Variants in RPS6KA2 observed in about 807,000 individuals in gnomAD.
RPS6KA2 encodes ribosomal protein S6 kinase alpha-2.
A neutral mutation model predicts 91.8 loss-of-function variants in RPS6KA2; 42 were observed. That is an observed-to-expected ratio of 0.46 (90% CI 0.36 to 0.59). The LOEUF is 0.59. RPS6KA2 is among the 20% of genes least tolerant of loss of function. The pLI is 0.00. For missense variants in RPS6KA2, 798 were observed against 978.5 expected (o/e 0.82, Z 2.46); for synonymous variants, 414 against 393.6 (o/e 1.05, Z -0.61).
chr6:166,569,013 C>T (rs1784594034), intron 1 of RPS6KA2, among the ~76,000 whole-genome samples: 1 of 152,010 alleles, frequency 6.6e-6, no homozygotes. Context: ...ATTAAGCTTA[C>T]ATTAATAAAC....
At chr6:166,753,734 C>T (rs543026920) in intron 2 of RPS6KA2, among the ~76,000 whole-genome samples, 2 of 152,290 alleles carry the variant, frequency 1.3e-5, no homozygotes, top group African/African-American at 2.4e-5. Context: ...TATTACCACA[C>T]TTATTGTGGT....
In RPS6KA2 at chr6:166,770,021, G is replaced by A. The variant is rs535768288; in HGVS notation, c.123+88179C>T. Among the ~76,000 whole-genome samples, 3 of 152,206 alleles carry A rather than the reference G, an allele frequency of 2.0e-5. No homozygotes were observed. Among genetic ancestry groups the A allele is most frequent in the East Asian group, 1.9e-4 (1 of 5,196 alleles). On this transcript the variant is annotated intron_variant, in intron 2 of 21. Coordinates refer to the RPS6KA2 transcript ENST00000503859. This position sits in a 1 kb window ranked among gnomAD's most constrained non-coding sequence, Gnocchi z 5.1. ...CAAATGAACTACAGCGCAGTTTAAC[G>A]TATCAATGTAGATGAACATAAGCTC...
chr6:166,423,286 G>A lies in RPS6KA2; in HGVS notation c.1713C>T (p.Pro571=). Residue 571 remains proline (P), a synonymous_variant, in exon 17 of 21, where the codon CCC becomes CCT. Coordinates refer to ENST00000265678, the MANE Select transcript of RPS6KA2 (RefSeq NM_021135.6). This position sits in a 1 kb window ranked among gnomAD's most constrained non-coding sequence, Gnocchi z 4.8. ...GGGCCACGAAATTGGCCGTGTAGCA[G>A]GGTGTCATGAGCAGCCCGTTCCCCG... ...LRAGNGLLMT[P]CYTANFVAPE... 3 of 1,613,804 alleles carry A rather than the reference G, an allele frequency of 1.9e-6. No individual in the cohort carries two copies. The highest frequency in any genetic ancestry group is 2.2e-5 in the South Asian group (2 of 91,074).
At chr6:166,671,299 G>A (rs1583004811) in intron 2 of RPS6KA2, among the ~76,000 whole-genome samples, 1 of 152,174 alleles carries the variant, frequency 6.6e-6, no homozygotes, top group African/African-American at 2.4e-5. Flanking sequence ...TTACAGCAAA[G>A]ATGGTGTGTC....
chr6:166,481,805 G>A (rs577588935), intron 10 of RPS6KA2, among the ~76,000 whole-genome samples: 1 of 150,946 alleles, frequency 6.6e-6, no homozygotes, highest in Non-Finnish European at 1.5e-5. Flanking sequence ...TCTCTGATAA[G>A]ATGGCAGACT....
chr6:166,512,742 G>A (rs1423170187), intron 3 of RPS6KA2, among the ~76,000 whole-genome samples: 1 of 152,224 alleles, frequency 6.6e-6, no homozygotes, highest in African/African-American at 2.4e-5. Flanking sequence ...AACCGGATGA[G>A]ATGGCTCCCC....
chr6:166,481,590 C>A (rs1056449582), intron 10 of RPS6KA2, among the ~76,000 whole-genome samples: 3 of 151,950 alleles, frequency 2.0e-5, no homozygotes, highest in African/African-American at 7.3e-5. Context: ...TCTGATCGAT[C>A]TTAAAGTATG....
chr6:166,656,541 G>A (rs945901912), intron 2 of RPS6KA2, among the ~76,000 whole-genome samples: 1 of 152,234 alleles, frequency 6.6e-6, no homozygotes, highest in East Asian at 1.9e-4. Flanking sequence ...CAGGGCCTCG[G>A]CAGGTGGGCC....
intron 2 of RPS6KA2, among the ~76,000 whole-genome samples, chr6:166,835,068 C>A (rs1022216570): frequency 2.0e-5 from 3 of 152,082 alleles, no homozygotes; most frequent in Non-Finnish European, 4.4e-5. Flanking sequence ...AAAAGATAAT[C>A]TTTCCCCTCA....
intron 2 of RPS6KA2, among the ~76,000 whole-genome samples, chr6:166,731,244 AAAAAAAG>A (rs112533883): frequency 1.3e-5 from 2 of 151,032 alleles, no homozygotes; most frequent in East Asian, 2.0e-4. Flanking sequence ...CTCCGTCTCA[AAAAAAAG>A]AAAAAAGAAA....
In RPS6KA2 at chr6:166,498,630, C is replaced by A; in HGVS notation, c.625G>T (p.Ala209Ser). ...TACGCTCTCTTGTCGTGGTCAATGG[C>A]CTCCTTACTCAGGCCGAAATCTACA... ...KITDFGLSKEAIDHDKRAYSF... is the reference protein window; with the variant it reads ...KITDFGLSKESIDHDKRAYSF... The change falls in exon 8 of 21, where the codon GCC (alanine) becomes TCC (serine). Residue 209 changes from alanine to serine, a missense_variant. By Grantham distance (99) the Ala-to-Ser change is moderately conservative. Coordinates refer to ENST00000265678, the MANE Select transcript of RPS6KA2 (RefSeq NM_021135.6). 1 of 1,613,426 alleles carries A rather than the reference C, an allele frequency of 6.2e-7. No homozygotes were observed. Among genetic ancestry groups the A allele is most frequent in the Non-Finnish European group, 8.5e-7 (1 of 1,179,838 alleles).
intron 2 of RPS6KA2, 92 bp downstream of exon 2, chr6:166,538,576 G>A: frequency 1.4e-6 from 1 of 722,146 alleles, no homozygotes; most frequent in Non-Finnish European, 2.5e-6. Flanking sequence ...CTGCAGGTGA[G>A]GACCGCCTGC....
intron 2 of RPS6KA2, among the ~76,000 whole-genome samples, chr6:166,782,042 C>T (rs1376934045): frequency 1.3e-5 from 2 of 152,196 alleles, no homozygotes; most frequent in African/African-American, 2.4e-5. Flanking sequence ...GTAATCCCAG[C>T]ACTTTGGGAG....
At chr6:166,520,674 G>T (rs1782825498) in intron 3 of RPS6KA2, among the ~76,000 whole-genome samples, 1 of 152,212 alleles carries the variant, frequency 6.6e-6, no homozygotes, top group Non-Finnish European at 1.5e-5. Context: ...CTGAGATACA[G>T]CTAGAAAAGG....
chr6:166,485,412 G>A (rs1472981886), intron 10 of RPS6KA2, among the ~76,000 whole-genome samples: 1 of 152,162 alleles, frequency 6.6e-6, no homozygotes, highest in African/African-American at 2.4e-5. Flanking sequence ...GATCTGCTGA[G>A]CTGGGGAGCA....
chr6:166,839,677 GAGC>G (rs1780408489), intron 2 of RPS6KA2, among the ~76,000 whole-genome samples: 1 of 120,672 alleles, frequency 8.3e-6, no homozygotes, highest in Non-Finnish European at 1.8e-5. Context: ...GTGGAAATCA[GAGC>G]AGGAGAGGAG....
chr6:166,511,703 T>G (rs1782483082), intron 3 of RPS6KA2, among the ~76,000 whole-genome samples: 1 of 152,164 alleles, frequency 6.6e-6, no homozygotes, highest in African/African-American at 2.4e-5. Flanking sequence ...GTATTTAAAT[T>G]TATCCATATT....
Position 166,508,172 on chromosome 6 carries a change from C to T in RPS6KA2, c.459+31G>A, listed in dbSNP as rs75748071. On this transcript the variant is annotated intron_variant, in intron 5 of 20. Transcript: ENST00000265678. This position sits in a 1 kb window ranked among gnomAD's most constrained non-coding sequence, Gnocchi z 4.3. ...CGAGTCCCAGACAGAAGCTCCTGCC[C>T]GCCCTCCTGTGTGATGTGGCGGCTG... The T allele has an allele frequency of 1.5e-3, 2,189 of 1,483,966 alleles. 16 individuals are homozygous for T. In the African/African-American group the frequency reaches 0.024, roughly 16 times the overall value. 91.9% of individuals were successfully genotyped at this position (1,483,966 alleles called of 1,614,324 possible).
rs751117148 is a variant in RPS6KA2, at chr6:166,498,542, T to C, written c.713A>G (p.Gln238Arg). Residue 238 changes from glutamine (Q) to arginine (R), a missense_variant, in exon 8 of 21, where the codon CAG (glutamine) becomes CGG (arginine). Physicochemically the swap from Gln to Arg is conservative, Grantham distance 43. Transcript: ENST00000265678. ...GCCGAAGGACCACCAGTCGGCACTC[T>C]GCGTGTGTCCTCGCCGGTTCACCAC... ...PEVVNRRGHT[Q>R]SADWWSFGVL... 2 of 1,613,382 alleles carry C rather than the reference T, an allele frequency of 1.2e-6. No individual in the cohort carries two copies. Among genetic ancestry groups the C allele is most frequent in the South Asian group, 1.1e-5 (1 of 90,982 alleles).
Sources: gnomAD v4.1 joint callset for allele counts (sites outside exome capture counted in the v4.1 genomes callset) on GRCh38, gnomAD v4.1.1 for gene constraint, Gnocchi (gnomAD v3.1) non-coding constraint, MANE v1.5 for transcripts, NCBI Gene and HGNC (gene_info 2026-07-23, HGNC 2026-07-21) for gene names.